Variants in INTS14 observed in about 807,000 individuals in gnomAD.
The protein encoded by INTS14 is UPF0464 protein C15orf44.
Under a neutral mutation model 56.9 loss-of-function variants are expected in INTS14, and 27 were observed. The ratio of observed to expected loss-of-function variants is 0.47; its 90% CI spans 0.35 to 0.65. INTS14 has a LOEUF of 0.65. Among genes scored for constraint, INTS14 ranks in the 30% least tolerant of loss-of-function variants. The pLI is 0.00. For missense variants in INTS14, 517 were observed against 632.2 expected (o/e 0.82, Z 1.95); for synonymous variants, 207 against 236.2 (o/e 0.88, Z 1.13).
At position 65,605,114 on chromosome 15, in the gene INTS14, A is replaced by G. The variant is rs1169959189; in HGVS notation, c.330+15T>C. 4 of 1,602,338 alleles carry G rather than the reference A, an allele frequency of 2.5e-6. No homozygotes were observed. The highest frequency in any genetic ancestry group is 1.3e-5 in the African/African-American group (1 of 74,770). On this transcript the variant is annotated intron_variant, in intron 3 of 11. Transcript: ENST00000313182. ...TGTTGTTAACTTAGGGCAATGAAAA[A>G]GAATTGATCATTACCTGGCAAGGAA...
intron 2 of INTS14, among the ~76,000 whole-genome samples, chr15:65,606,248 G>A (rs1183307875): frequency 6.0e-5 from 7 of 115,854 alleles, no homozygotes; most frequent in Admixed American, 5.3e-4. Flanking sequence ...GCGAGACTCC[G>A]TCTCAAAAAA....
In INTS14 at chr15:65,593,508, A is replaced by G. The variant is rs914802478; in HGVS notation, c.906T>C (p.Ile302=). The G allele has an allele frequency of 4.6e-5, 74 of 1,613,842 alleles. No homozygotes were observed. Among genetic ancestry groups the G allele is most frequent in the Non-Finnish European group, 6.2e-5 (73 of 1,179,952 alleles). The part of the protein sequence containing the change: ...DNEDENSANQ[I]AGKIPNFCVL... Reference sequence around the variant, plus strand: ...CACAAAAGTTGGGTATTTTGCCTGCAATCTGATTGGCTGAATTTTCATCTT... The same window carrying G: ...CACAAAAGTTGGGTATTTTGCCTGCGATCTGATTGGCTGAATTTTCATCTT... Residue 302 remains isoleucine (I), a synonymous_variant, in exon 8 of 12, where the codon ATT becomes ATC. Coordinates refer to ENST00000313182, the MANE Select transcript of INTS14 (RefSeq NM_001394796.1).
intron 6 of INTS14, among the ~76,000 whole-genome samples, chr15:65,596,903 T>A (rs1174981950): frequency 6.6e-6 from 1 of 152,194 alleles, no homozygotes; most frequent in African/African-American, 2.4e-5. Flanking sequence ...CTCTGGAGAT[T>A]TGCTGTCCAT....
In INTS14 at chr15:65,584,629, ATCCCTT is replaced by A. The variant is rs374438138; in HGVS notation, c.1239+135_1239+140del. On this transcript the variant is annotated intron_variant, in intron 10 of 11. Transcript: ENST00000313182. ...CATGTTTTACTGTAGGGCATCTCAAATCCCTTTTGGAAATAATGACAAACATTAGAA... is the reference window on the plus strand; with the variant it reads ...CATGTTTTACTGTAGGGCATCTCAAATTGGAAATAATGACAAACATTAGAA... The A allele has an allele frequency of 5.9e-3, 4,110 of 691,354 alleles. 18 individuals carry two copies. Among genetic ancestry groups the A allele is most frequent in the Non-Finnish European group, 8.3e-3 (3,551 of 425,538 alleles). The allele number at this position is 691,354 out of a possible 1,614,324, so 42.8% of individuals were successfully genotyped here.
Position 65,607,182 on chromosome 15 carries a change from T to C in INTS14, c.199A>G (p.Thr67Ala). The C allele has an allele frequency of 1.2e-6, 2 of 1,614,204 alleles. No individual in the cohort carries two copies. Among genetic ancestry groups the C allele is most frequent in the Non-Finnish European group, 1.7e-6 (2 of 1,180,034 alleles). The change falls in exon 2 of 12, where the codon ACG becomes GCG. Residue 67 changes from threonine to alanine, a missense_variant. By Grantham distance (58) the Thr-to-Ala change is moderately conservative. Coordinates refer to ENST00000313182, the MANE Select transcript of INTS14 (RefSeq NM_001394796.1). ...SSLWELMVPF[T>A]RDYNTLQEAL... is the part of the protein sequence containing the mutation. ...ACCTGTAGGGTATTATAATCTCTCGTGAAGGGGACCATCAACTCCCAAAGT... is the reference window on the plus strand; with the variant it reads ...ACCTGTAGGGTATTATAATCTCTCGCGAAGGGGACCATCAACTCCCAAAGT...
chr15:65,588,779 T>C (rs939495231), intron 9 of INTS14, among the ~76,000 whole-genome samples: 3 of 152,182 alleles, frequency 2.0e-5, no homozygotes, highest in Non-Finnish European at 4.4e-5. Flanking sequence ...GTACAAACAA[T>C]AGTGCTATTT....
chr15:65,581,877 C>A, intron 11 of INTS14, 77 bp downstream of exon 11: 13 of 1,431,356 alleles, frequency 9.1e-6, no homozygotes, highest in South Asian at 1.2e-5. Context: ...AACCCCTGCC[C>A]ATATTCACAC....
At chr15:65,585,856 T>C (rs1042465790) in intron 9 of INTS14, among the ~76,000 whole-genome samples, 7 of 152,214 alleles carry the variant, frequency 4.6e-5, no homozygotes, top group Admixed American at 1.3e-4. Flanking sequence ...CACCTTGATA[T>C]TGGACCAACA....
intron 3 of INTS14, among the ~76,000 whole-genome samples, chr15:65,600,223 A>C (rs1198992188): frequency 1.3e-5 from 2 of 152,106 alleles, no homozygotes; most frequent in African/African-American, 2.4e-5. Flanking sequence ...AGGTGGGAGG[A>C]TCACTTGAGC....
chr15:65,583,635 T>A (rs2072709034), intron 10 of INTS14, among the ~76,000 whole-genome samples: 1 of 152,234 alleles, frequency 6.6e-6, no homozygotes, highest in South Asian at 2.1e-4. Context: ...ATGTACTAAA[T>A]GGGACTGAAT....
At chr15:65,579,687 C>G in intron 11 of INTS14, 28 bp from the exon 12 acceptor site, 1 of 1,603,640 alleles carries the variant, frequency 6.2e-7, no homozygotes. Flanking sequence ...ATCACCAATG[C>G]TCCTGAAATG....
intron 9 of INTS14, among the ~76,000 whole-genome samples, chr15:65,587,164 T>C (rs1272229586): frequency 2.0e-5 from 3 of 152,118 alleles, no homozygotes; most frequent in Non-Finnish European, 2.9e-5. Context: ...AATAAACATA[T>C]ATATATTTTC....
chr15:65,610,772 C>T (rs1353134425), intron 1 of INTS14: 25 of 1,535,656 alleles, frequency 1.6e-5, no homozygotes, highest in Non-Finnish European at 2.0e-5. Flanking sequence ...GACTGAAAAT[C>T]ACATCTGGGA....
chr15:65,591,068 G>C (rs1026628460), intron 9 of INTS14, among the ~76,000 whole-genome samples: 1 of 152,154 alleles, frequency 6.6e-6, no homozygotes, highest in Admixed American at 6.6e-5. Flanking sequence ...TTTGGGAAAT[G>C]TGAAGTTATT....
At chr15:65,606,638 A>G (rs185014049) in intron 2 of INTS14, among the ~76,000 whole-genome samples, 7 of 152,338 alleles carry the variant, frequency 4.6e-5, no homozygotes, top group African/African-American at 1.7e-4. Flanking sequence ...TGATTTAGAG[A>G]TGTTGTCAGA....
At chr15:65,593,392 C>G in intron 8 of INTS14, 36 bp downstream of exon 8, 1 of 1,572,122 alleles carries the variant, frequency 6.4e-7, no homozygotes, top group Non-Finnish European at 8.6e-7. Flanking sequence ...AATGATTTTC[C>G]CTTTCATTCA....
intron 9 of INTS14, among the ~76,000 whole-genome samples, chr15:65,586,118 C>A (rs1322243707): frequency 6.6e-6 from 1 of 152,128 alleles, no homozygotes; most frequent in Non-Finnish European, 1.5e-5. Flanking sequence ...TATAGTAAGA[C>A]CCCACTACGT....
intron 1 of INTS14, among the ~76,000 whole-genome samples, chr15:65,610,114 C>T (rs1000619051): frequency 1.3e-5 from 2 of 151,606 alleles, no homozygotes; most frequent in Middle Eastern, 3.4e-3. Context: ...AATCCCAGCA[C>T]TTTGGGAGGC....
chr15:65,599,544 C>G (rs2073349440), intron 4 of INTS14: 1 of 423,278 alleles, frequency 2.4e-6, no homozygotes. Context: ...ATGCACCCAT[C>G]AGCAGGATGG....
Sources: allele counts gnomAD v4.1 joint callset (sites outside exome capture counted in the v4.1 genomes callset), GRCh38; gene constraint gnomAD v4.1.1; transcripts MANE v1.5; gene names NCBI Gene and HGNC (gene_info 2026-07-23, HGNC 2026-07-21).